The following POLN variants were observed in gnomAD, a reference collection of about 807,000 sequenced individuals.
The protein encoded by POLN is DNA polymerase nu.
POLN carries 108 observed loss-of-function variants against 113.5 expected under a neutral mutation model. The observed-to-expected ratio is 0.95, with a 90% CI of 0.81 to 1.12. POLN has a LOEUF of 1.12. Ranked by LOEUF, POLN falls within the 50% of genes most tolerant of loss-of-function variation. POLN has a pLI of 0.00. For synonymous variants in POLN, 386 were observed against 391.5 expected (o/e 0.99, Z 0.17); for missense variants, 1,097 against 1,077.1 (o/e 1.02, Z -0.26).
chr4:2,131,570 C>T (rs888265736), intron 16 of POLN, among the ~76,000 whole-genome samples: 4 of 152,200 alleles, frequency 2.6e-5, no homozygotes, highest in Non-Finnish European at 4.4e-5. Context: ...TACAGCAGCC[C>T]AAATTATGAA....
Position 2,193,297 on chromosome 4 carries a change from T to A in POLN, c.928A>T (p.Met310Leu), listed in dbSNP as rs10018786. 1 of 1,601,728 alleles carries A rather than the reference T, an allele frequency of 6.2e-7. No homozygotes were observed. Among genetic ancestry groups the A allele is most frequent in the Admixed American group, 1.7e-5 (1 of 58,634 alleles). ...CAAATAACAGGACATTTACATTTCA[T>A]TGTTTGAAATAGCACGTTCCTAGAA... ...QFARNVLFQT[M>L]KCKCPVICFN... The change falls in exon 7 of 26, where the codon ATG becomes TTG. Residue 310 changes from methionine to leucine, a missense_variant. Met to Leu is a conservative substitution (Grantham distance 15). Coordinates refer to ENST00000511885, the MANE Select transcript of POLN (RefSeq NM_181808.4).
intron 21 of POLN, among the ~76,000 whole-genome samples, chr4:2,084,772 C>T (rs531110973): frequency 9.2e-5 from 14 of 152,356 alleles, no homozygotes; most frequent in African/African-American, 3.4e-4. Flanking sequence ...CCTGCTGAGG[C>T]CAACTCTCCA....
At chr4:2,092,279 G>C (rs1015152224) in intron 20 of POLN, among the ~76,000 whole-genome samples, 2 of 152,230 alleles carry the variant, frequency 1.3e-5, no homozygotes, top group African/African-American at 4.8e-5. Context: ...CAGAGTCAGG[G>C]AATCATCTGA....
At chr4:2,161,875 T>A (rs1046635040) in intron 13 of POLN, among the ~76,000 whole-genome samples, 3 of 152,064 alleles carry the variant, frequency 2.0e-5, no homozygotes, top group African/African-American at 7.2e-5. Flanking sequence ...ATGCACCAAT[T>A]GACGCTCTGT....
intron 14 of POLN, among the ~76,000 whole-genome samples, chr4:2,158,419 G>A (rs779940164): frequency 3.3e-5 from 5 of 152,112 alleles, no homozygotes; most frequent in Non-Finnish European, 5.9e-5. Flanking sequence ...TTTAAAAATA[G>A]ATCTATTAAT....
At chr4:2,144,913 T>C (rs1455751780) in intron 16 of POLN, among the ~76,000 whole-genome samples, 1 of 152,146 alleles carries the variant, frequency 6.6e-6, no homozygotes, top group Non-Finnish European at 1.5e-5. Context: ...ACATCTGTAA[T>C]GAAACTATTG....
In POLN at chr4:2,174,714, A is replaced by C. The variant is rs1732951303; in HGVS notation, c.1286T>G (p.Leu429Arg). The C allele has an allele frequency of 6.2e-7, 1 of 1,610,284 alleles. No homozygotes were observed. Among genetic ancestry groups the C allele is most frequent in the African/African-American group, 1.3e-5 (1 of 74,812 alleles). Reference protein sequence around the residue: ...GLWQLFRTLELPLIPILAVME... With the variant: ...GLWQLFRTLERPLIPILAVME... ...ACCTGCCAAAATTGGTATCAGAGGAAGCTCCAAAGTACGAAATAGTTGCCA... is the reference window on the plus strand; with the variant it reads ...ACCTGCCAAAATTGGTATCAGAGGACGCTCCAAAGTACGAAATAGTTGCCA... Residue 429 changes from leucine to arginine, a missense_variant, in exon 10 of 26, where the codon CTT becomes CGT. Physicochemically the swap from Leu to Arg is moderately radical, Grantham distance 102. Transcript: ENST00000511885.
chr4:2,118,283 G>A (rs1295029001), intron 19 of POLN, among the ~76,000 whole-genome samples: 2 of 152,140 alleles, frequency 1.3e-5, no homozygotes, highest in Non-Finnish European at 2.9e-5. Context: ...TTTGATTTCT[G>A]TGTTTTAATT....
intron 19 of POLN, among the ~76,000 whole-genome samples, chr4:2,119,403 GTGTGTGTGCA>G (rs1731390067): frequency 3.3e-5 from 4 of 122,288 alleles, no homozygotes; most frequent in Non-Finnish European, 5.2e-5. Flanking sequence ...TTTTGCTTGT[GTGTGTGTGCA>G]TGTGTGTGCA....
At chr4:2,109,991 A>G (rs113980434) in intron 19 of POLN, among the ~76,000 whole-genome samples, 2,622 of 152,262 alleles carry the variant, frequency 0.017, 91 homozygotes, top group African/African-American at 0.06. Context: ...TATAATATGC[A>G]TCTTACTCCT....
rs892677341 is a variant in POLN at position 2,154,572 on chromosome 4, C to T, written c.1731+2216G>A. On this transcript the variant is annotated intron_variant, in intron 16 of 25. Transcript: ENST00000511885. ...TATGTGGTGGGAATGTTATTTTTGGCGAGAGGCTAATTTGGCAACATAAAG... is the reference window on the plus strand; with the variant it reads ...TATGTGGTGGGAATGTTATTTTTGGTGAGAGGCTAATTTGGCAACATAAAG... Among the ~76,000 whole-genome samples, 23 of 152,016 alleles carry T rather than the reference C, an allele frequency of 1.5e-4. 1 individual carries two copies. The highest frequency in any genetic ancestry group is 3.3e-4 in the Admixed American group (5 of 15,266).
intron 3 of POLN, among the ~76,000 whole-genome samples, chr4:2,227,018 T>A (rs1734414738): frequency 1.3e-5 from 2 of 152,200 alleles, no homozygotes; most frequent in African/African-American, 4.8e-5. Flanking sequence ...GACTCCAAGG[T>A]GGCCCTATGA....
At chr4:2,236,351 T>A in intron 2 of POLN, 1 of 1,613,032 alleles carries the variant, frequency 6.2e-7, no homozygotes, top group Non-Finnish European at 8.5e-7. Context: ...ACTGATCTTG[T>A]ACTAAAGAAA....
intron 2 of POLN, among the ~76,000 whole-genome samples, chr4:2,235,041 AC>A (rs1166384995): frequency 6.6e-6 from 1 of 152,094 alleles, no homozygotes; most frequent in Non-Finnish European, 1.5e-5. Context: ...ACCCGCCACC[AC>A]GCCCGGCTAA....
intron 23 of POLN, among the ~76,000 whole-genome samples, chr4:2,077,301 G>A (rs1370376676): frequency 6.6e-6 from 1 of 152,248 alleles, no homozygotes; most frequent in Non-Finnish European, 1.5e-5. Context: ...TGGGAGAAAA[G>A]TCTGCCTTCT....
At chr4:2,094,476 G>A (rs1036684295) in intron 20 of POLN, among the ~76,000 whole-genome samples, 1 of 152,068 alleles carries the variant, frequency 6.6e-6, no homozygotes, top group African/African-American at 2.4e-5. Flanking sequence ...CCCTGCAGGG[G>A]ACCCAGCTAT....
chr4:2,079,789 T>C, intron 23 of POLN: 15 of 866,190 alleles, frequency 1.7e-5, no homozygotes, highest in Non-Finnish European at 2.1e-5. Context: ...TTTACCCTGT[T>C]GGCCAGGTTG....
chr4:2,152,014 A>G (rs1274561681), intron 16 of POLN, among the ~76,000 whole-genome samples: 1 of 150,188 alleles, frequency 6.7e-6, no homozygotes, highest in African/African-American at 2.4e-5. Flanking sequence ...CCTAAACCTA[A>G]TTTTCTTTTT....
At chr4:2,116,818 C>T (rs1049825171) in intron 19 of POLN, among the ~76,000 whole-genome samples, 2 of 152,194 alleles carry the variant, frequency 1.3e-5, no homozygotes, top group African/African-American at 2.4e-5. Context: ...TCTCAAATGG[C>T]CTCTGAAAGT....
Sources: allele counts gnomAD v4.1 joint callset (sites outside exome capture counted in the v4.1 genomes callset), GRCh38; gene constraint gnomAD v4.1.1; transcripts MANE v1.5; gene names NCBI Gene and HGNC (gene_info 2026-07-23, HGNC 2026-07-21).